BANK1: variants seen among roughly 807,000 people sequenced by gnomAD.
The protein encoded by BANK1 is B-cell scaffold protein with ankyrin repeats.
Under a neutral mutation model 94.5 loss-of-function variants are expected in BANK1, and 95 were observed. The ratio of observed to expected loss-of-function variants is 1.00; its 90% confidence interval spans 0.85 to 1.19. The LOEUF is 1.19. BANK1 is among the 50% of genes most tolerant of loss of function. BANK1 has a pLI of 0.00. For synonymous variants in BANK1, 334 were observed against 308.4 expected, an observed-to-expected ratio of 1.08 and a Z score of -0.87; for missense variants, 987 against 932.2, an observed-to-expected ratio of 1.06 and a Z score of -0.77.
chr4:101,927,264 T>C (rs181198480), intron 7 of BANK1, among the ~76,000 whole-genome samples: 111 of 151,756 alleles, frequency 7.3e-4, no homozygotes, highest in African/African-American at 2.4e-3. Flanking sequence ...TCAGATCTTA[T>C]GAGAACTCAT....
At chr4:101,933,055 C>T (rs1289619470) in intron 7 of BANK1, among the ~76,000 whole-genome samples, 2 of 151,536 alleles carry the variant, frequency 1.3e-5, no homozygotes, top group African/African-American at 4.8e-5. Flanking sequence ...GTTTCCACAA[C>T]TTGTAGTGTG....
intron 7 of BANK1, among the ~76,000 whole-genome samples, chr4:101,977,517 A>C (rs958673078): frequency 6.6e-6 from 1 of 152,192 alleles, no homozygotes; most frequent in Non-Finnish European, 1.5e-5. Flanking sequence ...TTATTAAATC[A>C]AGATATTCCT....
At chr4:101,952,982 G>A (rs1247216105) in intron 7 of BANK1, among the ~76,000 whole-genome samples, 1 of 152,054 alleles carries the variant, frequency 6.6e-6, no homozygotes, top group East Asian at 1.9e-4. Flanking sequence ...AATGATTAAC[G>A]ATCAGTGAGA....
chr4:101,842,412 T>C (rs1371588383), intron 2 of BANK1, among the ~76,000 whole-genome samples: 1 of 152,214 alleles, frequency 6.6e-6, no homozygotes, highest in East Asian at 1.9e-4. Context: ...TTTCTACACA[T>C]TTTAAAGTTT....
At chr4:102,023,066 T>C (rs978995567) in intron 8 of BANK1, among the ~76,000 whole-genome samples, 2 of 152,220 alleles carry the variant, frequency 1.3e-5, no homozygotes, top group African/African-American at 4.8e-5. Context: ...GCCTGTATTC[T>C]CTTTCTAAAT....
chr4:101,983,014 T>C (rs908832052), intron 7 of BANK1, among the ~76,000 whole-genome samples: 2 of 152,024 alleles, frequency 1.3e-5, no homozygotes, highest in African/African-American at 4.8e-5. Flanking sequence ...AGATTTATTT[T>C]ACTTTATTTT....
intron 5 of BANK1, among the ~76,000 whole-genome samples, chr4:101,873,542 C>T (rs918972960): frequency 2.0e-5 from 3 of 152,088 alleles, no homozygotes; most frequent in Admixed American, 1.3e-4. Context: ...GCAAAATGAG[C>T]GTTCTGTGAA....
chr4:101,909,872 C>A (rs1722603045), intron 6 of BANK1, among the ~76,000 whole-genome samples: 3 of 152,248 alleles, frequency 2.0e-5, no homozygotes, highest in Admixed American at 2.0e-4. Flanking sequence ...CTATTATAGT[C>A]TTTTCCATTT....
intron 6 of BANK1, among the ~76,000 whole-genome samples, chr4:101,914,768 T>C (rs1055266714): frequency 6.6e-6 from 1 of 152,140 alleles, no homozygotes. Context: ...ATCTAATACA[T>C]ATATTTTCTC....
chr4:101,988,982 A>G (rs577792391), intron 7 of BANK1, among the ~76,000 whole-genome samples: 1 of 152,314 alleles, frequency 6.6e-6, no homozygotes, highest in Admixed American at 6.5e-5. Flanking sequence ...CATTCTTTAT[A>G]TAACATTATA....
chr4:101,898,177 A>T (rs1426580465), intron 6 of BANK1, among the ~76,000 whole-genome samples: 1 of 151,974 alleles, frequency 6.6e-6, no homozygotes, highest in Admixed American at 6.6e-5. Flanking sequence ...AAGAATATGC[A>T]GTAAAGACAT....
At chr4:101,924,916 C>T (rs1723106337) in intron 7 of BANK1, among the ~76,000 whole-genome samples, 1 of 151,558 alleles carries the variant, frequency 6.6e-6, no homozygotes, top group African/African-American at 2.4e-5. Flanking sequence ...CTTTTTATTC[C>T]AAGATCTATT....
intron 7 of BANK1, among the ~76,000 whole-genome samples, chr4:101,965,226 C>G (rs563973552): frequency 6.6e-6 from 1 of 151,402 alleles, no homozygotes; most frequent in Admixed American, 6.6e-5. Context: ...CACTTTTACT[C>G]AAAAACAGAA....
intron 12 of BANK1, chr4:102,062,186 G>A (rs1461603199): frequency 6.6e-6 from 1 of 152,146 alleles, no homozygotes; most frequent in Non-Finnish European, 1.5e-5. Context: ...AATTAATCTA[G>A]GAAACTAAGA....
At chr4:101,978,316 C>G (rs574985520) in intron 7 of BANK1, among the ~76,000 whole-genome samples, 1 of 151,930 alleles carries the variant, frequency 6.6e-6, no homozygotes, top group Non-Finnish European at 1.5e-5. Flanking sequence ...AATGGGGAAA[C>G]TGAAACCTGA....
At chr4:102,028,379 G>A (rs1328569055) in intron 9 of BANK1, among the ~76,000 whole-genome samples, 1 of 152,186 alleles carries the variant, frequency 6.6e-6, no homozygotes, top group Non-Finnish European at 1.5e-5. Context: ...AGGCACATCG[G>A]TAATTAATAC....
chr4:101,935,221 A>G (rs547469003), intron 7 of BANK1, among the ~76,000 whole-genome samples: 1 of 151,698 alleles, frequency 6.6e-6, no homozygotes, highest in South Asian at 2.1e-4. Context: ...TTAACATAGT[A>G]AAACTGAACA....
chr4:101,821,152 G>A (rs1230086297), intron 1 of BANK1, among the ~76,000 whole-genome samples: 2 of 152,280 alleles, frequency 1.3e-5, no homozygotes, highest in East Asian at 1.9e-4. Flanking sequence ...TCTAACTGAT[G>A]TGAGACGATA....
intron 1 of BANK1, among the ~76,000 whole-genome samples, chr4:101,798,816 T>C (rs1030949850): frequency 5.3e-5 from 8 of 152,214 alleles, no homozygotes; most frequent in Non-Finnish European, 1.0e-4. Context: ...TTGTTTGATT[T>C]TTTCTTGTAA....
Sources: allele counts gnomAD v4.1 joint callset (sites outside exome capture counted in the v4.1 genomes callset), GRCh38; gene constraint gnomAD v4.1.1; transcripts MANE v1.5; gene names NCBI Gene and HGNC (gene_info 2026-07-23, HGNC 2026-07-21).